Variants in EPHA4 observed in about 807,000 individuals in gnomAD.
EPHA4 encodes ephrin type-A receptor 4.
A neutral mutation model predicts 108.3 loss-of-function variants in EPHA4; 19 were observed. That is an observed-to-expected ratio of 0.18 (90% CI 0.12 to 0.26). EPHA4 has a LOEUF of 0.26. Ranked by LOEUF, EPHA4 falls within the 10% of genes least tolerant of loss-of-function variation. The probability of loss-of-function intolerance (pLI) is 1.00; values close to 1 mark genes in which losing one functional copy is unlikely to be tolerated. For synonymous variants in EPHA4, 449 were observed against 455.5 expected, an observed-to-expected ratio of 0.99 and a Z score of 0.18; for missense variants, 917 against 1,254.0, an observed-to-expected ratio of 0.73 and a Z score of 4.06.
At chr2:221,500,036 C>T (rs914556931) in intron 4 of EPHA4, among the ~76,000 whole-genome samples, 1 of 151,940 alleles carries the variant, frequency 6.6e-6, no homozygotes, top group African/African-American at 2.4e-5. Flanking sequence ...GGATTACAGG[C>T]GTGAGCCACC....
intron 4 of EPHA4, among the ~76,000 whole-genome samples, chr2:221,498,774 T>C (rs1482088447): frequency 1.3e-5 from 2 of 148,612 alleles, no homozygotes; most frequent in Admixed American, 1.4e-4. Context: ...GCACCAGTCC[T>C]GGCTATTTTT....
At chr2:221,543,917 T>G (rs1280799713) in intron 3 of EPHA4, among the ~76,000 whole-genome samples, 1 of 152,170 alleles carries the variant, frequency 6.6e-6, no homozygotes, top group Non-Finnish European at 1.5e-5. Context: ...AACAGAAATT[T>G]ATTTTTCACG....
intron 3 of EPHA4, among the ~76,000 whole-genome samples, chr2:221,553,483 T>C (rs1574655370): frequency 2.0e-5 from 3 of 152,204 alleles, no homozygotes; most frequent in South Asian, 4.1e-4. Context: ...CATGGTATTA[T>C]AGGAGGAAAT....
chr2:221,461,289 C>T (rs1176007675), intron 5 of EPHA4, among the ~76,000 whole-genome samples: 2 of 152,184 alleles, frequency 1.3e-5, no homozygotes, highest in African/African-American at 4.8e-5. Flanking sequence ...CTTTGGTAAA[C>T]AATGCCTAAC....
intron 4 of EPHA4, among the ~76,000 whole-genome samples, chr2:221,493,911 T>G (rs993216311): frequency 6.6e-6 from 1 of 152,222 alleles, no homozygotes; most frequent in East Asian, 1.9e-4. Flanking sequence ...TAGTATAAAA[T>G]GTCTTGAAAG....
At chr2:221,468,441 C>T (rs1437101575) in intron 5 of EPHA4, among the ~76,000 whole-genome samples, 1 of 152,182 alleles carries the variant, frequency 6.6e-6, no homozygotes, top group Non-Finnish European at 1.5e-5. Flanking sequence ...GAGCTTCAAG[C>T]ATTCCAAATC....
chr2:221,446,093 A>G (rs750099264), intron 9 of EPHA4, 30 bp downstream of exon 9: 1 of 1,485,636 alleles, frequency 6.7e-7, no homozygotes. Context: ...ATGCTCTAAA[A>G]ATAGAATTTT....
At chr2:221,459,274 G>A in intron 5 of EPHA4, among the ~76,000 whole-genome samples, 1 of 151,310 alleles carries the variant, frequency 6.6e-6, no homozygotes, top group African/African-American at 2.4e-5. Flanking sequence ...TCTCTGTTAG[G>A]GATGGTAACA....
At chr2:221,551,735 A>C (rs1329562753) in intron 3 of EPHA4, among the ~76,000 whole-genome samples, 1 of 152,262 alleles carries the variant, frequency 6.6e-6, no homozygotes, top group Admixed American at 6.5e-5. Flanking sequence ...AAAACTTCCA[A>C]AAGTCAGATC....
At chr2:221,454,824 A>G (rs1205110851) in intron 8 of EPHA4, among the ~76,000 whole-genome samples, 1 of 152,174 alleles carries the variant, frequency 6.6e-6, no homozygotes. Context: ...TTTAAGTATC[A>G]AGTCAGATTG....
intron 15 of EPHA4, among the ~76,000 whole-genome samples, chr2:221,428,041 T>G (rs772969739): frequency 1.3e-5 from 2 of 152,228 alleles, no homozygotes; most frequent in Non-Finnish European, 1.5e-5. Flanking sequence ...ATAATTATTC[T>G]TTCAATTTTG....
intron 3 of EPHA4, among the ~76,000 whole-genome samples, chr2:221,529,766 C>A (rs993717914): frequency 6.6e-6 from 1 of 152,208 alleles, no homozygotes; most frequent in Non-Finnish European, 1.5e-5. Context: ...CAGTCTCCAA[C>A]ACCGAGGGTT....
At chr2:221,561,383 G>A (rs1423947859) in intron 3 of EPHA4, among the ~76,000 whole-genome samples, 1 of 152,038 alleles carries the variant, frequency 6.6e-6, no homozygotes, top group Admixed American at 6.5e-5. Context: ...GCAAGGTCTT[G>A]TGCAAAAAGT....
At chr2:221,490,428 C>T (rs898073503) in intron 4 of EPHA4, among the ~76,000 whole-genome samples, 1 of 152,036 alleles carries the variant, frequency 6.6e-6, no homozygotes, top group Admixed American at 6.6e-5. Context: ...AATTCAATGC[C>T]TGGGCTATGA....
intron 5 of EPHA4, among the ~76,000 whole-genome samples, chr2:221,466,823 T>C (rs1452493502): frequency 6.6e-6 from 1 of 152,180 alleles, no homozygotes; most frequent in Admixed American, 6.5e-5. Flanking sequence ...AATTCAAAAA[T>C]CTGGTCCTAG....
chr2:221,557,309 T>C (rs1406444027), intron 3 of EPHA4, among the ~76,000 whole-genome samples: 1 of 152,178 alleles, frequency 6.6e-6, no homozygotes, highest in Non-Finnish European at 1.5e-5. Flanking sequence ...AAAAACTCTC[T>C]ACTCTGGAAC....
chr2:221,430,435 G>A (rs1404393339), intron 14 of EPHA4, among the ~76,000 whole-genome samples: 4 of 152,138 alleles, frequency 2.6e-5, no homozygotes, highest in Admixed American at 6.5e-5. Context: ...TTTTGGTGAC[G>A]GCCCTCAGAG....
intron 16 of EPHA4, 71 bp from the exon 17 acceptor site, chr2:221,426,213 T>G: frequency 4.4e-6 from 6 of 1,369,412 alleles, no homozygotes; most frequent in Non-Finnish European, 6.3e-6. Context: ...TTGGGCTTCA[T>G]GCAGACACAC....
At position 221,425,728 on chromosome 2, in the gene EPHA4, A is replaced by C. The variant is rs1689878672; in HGVS notation, c.*300T>G. On this transcript the variant is annotated 3_prime_UTR_variant, in exon 17 of 18. Coordinates refer to ENST00000281821, the MANE Select transcript of EPHA4 (RefSeq NM_004438.5). ...AGTGTCTGGCAGCAAATACAGCATC[A>C]AAACTCAGAGGCAGTGTTCTATTTC... 1 of 266,328 alleles carries C rather than the reference A, an allele frequency of 3.8e-6. No individual in the cohort carries two copies. The highest frequency in any genetic ancestry group is 8.0e-5 in the South Asian group (1 of 12,574). The allele number at this position is 266,328 out of a possible 1,614,324, so 16.5% of individuals were successfully genotyped here.
Sources: allele counts gnomAD v4.1 joint callset (sites outside exome capture counted in the v4.1 genomes callset), GRCh38; gene constraint gnomAD v4.1.1; transcripts MANE v1.5; gene names NCBI Gene and HGNC (gene_info 2026-07-23, HGNC 2026-07-21).